Variants in CDC42EP4 observed in about 807,000 individuals in gnomAD.
CDC42EP4 encodes the protein CDC42 effector protein 4, also known as CDC42 effector protein (Rho GTPase binding) 4.
A neutral mutation model predicts 5.6 loss-of-function variants in CDC42EP4; 6 were observed. That is an observed-to-expected ratio of 1.07 (90% CI 0.59 to 2.12). CDC42EP4 has a LOEUF of 2.12. Among genes scored for constraint, CDC42EP4 ranks in the 30% most tolerant of loss-of-function variants. The probability of loss-of-function intolerance (pLI) is 0.00; values close to 1 mark genes in which losing one functional copy is unlikely to be tolerated. For missense variants in CDC42EP4, 490 were observed against 508.6 expected, an observed-to-expected ratio of 0.96 and a Z score of 0.35; for synonymous variants, 230 against 224.2, an observed-to-expected ratio of 1.03 and a Z score of -0.23.
chr17:73,290,391 C>T (rs1472367298), intron 1 of CDC42EP4, among the ~76,000 whole-genome samples: 1 of 152,174 alleles, frequency 6.6e-6, no homozygotes, highest in African/African-American at 2.4e-5. Context: ...GGGTACCCAA[C>T]AGCTGCTTCA....
intron 1 of CDC42EP4, among the ~76,000 whole-genome samples, chr17:73,290,702 G>A (rs2062157179): frequency 6.6e-6 from 1 of 152,214 alleles, no homozygotes; most frequent in South Asian, 2.1e-4. Context: ...CAAAGACAGA[G>A]AAGCAGGGAG....
intron 1 of CDC42EP4, among the ~76,000 whole-genome samples, chr17:73,296,256 TAAA>T (rs970346776): frequency 6.9e-6 from 1 of 144,906 alleles, no homozygotes; most frequent in African/African-American, 2.6e-5. Context: ...AAAAAATACA[TAAA>T]AAAATAAAAT....
chr17:73,303,565 G>A (rs918649197), intron 1 of CDC42EP4, among the ~76,000 whole-genome samples: 5 of 150,642 alleles, frequency 3.3e-5, no homozygotes, highest in Non-Finnish European at 7.4e-5. Context: ...GGGAGGCTGA[G>A]ATAGGAGAAT....
chr17:73,289,446 G>A (rs2062149693), intron 1 of CDC42EP4, among the ~76,000 whole-genome samples: 1 of 152,078 alleles, frequency 6.6e-6, no homozygotes, highest in African/African-American at 2.4e-5. Flanking sequence ...TGAGCAGATC[G>A]AGGTGCCAGG....
intron 1 of CDC42EP4, chr17:73,309,899 G>C (rs2062264674): frequency 1.3e-5 from 2 of 152,440 alleles, no homozygotes; most frequent in East Asian, 3.9e-4. Flanking sequence ...AAGGAGTGGA[G>C]AGGCAAAGTC....
chr17:73,301,710 C>CTT lies in CDC42EP4; in HGVS notation c.-113+10181_-113+10182dup, dbSNP rs35550966. On this transcript the variant is annotated intron_variant, in intron 1 of 1. Coordinates refer to ENST00000335793, the MANE Select transcript of CDC42EP4 (RefSeq NM_012121.5). ...TACAGGCACACGCCACCATGCCCAG[C>CTT]TTTTTTTTTTTTTTTTTTGAGGCCA... is the stretch of plus-strand genomic sequence containing the variant. Among the ~76,000 whole-genome samples, 1,282 of 131,306 alleles carry CTT rather than the reference C, an allele frequency of 9.8e-3. 13 individuals carry two copies. The highest frequency in any genetic ancestry group is 0.015 in the Non-Finnish European group (918 of 62,362). The allele number at this position is 131,306 out of a possible 152,430, so 86.1% of individuals were successfully genotyped here.
At chr17:73,307,999 C>T (rs1045469213) in intron 1 of CDC42EP4, among the ~76,000 whole-genome samples, 4 of 152,146 alleles carry the variant, frequency 2.6e-5, no homozygotes, top group Non-Finnish European at 5.9e-5. Flanking sequence ...GCCTTGGCCT[C>T]CCCAAGTGCT....
At position 73,286,122 on chromosome 17, in the gene CDC42EP4, C is replaced by T. The variant is rs372007594; in HGVS notation, c.379G>A (p.Ala127Thr). Residue 127 changes from alanine (A) to threonine (T), a missense_variant, in exon 2 of 2, where the codon GCC becomes ACC. By Grantham distance (58) the Ala-to-Thr change is moderately conservative. Transcript: ENST00000335793. This position sits in a 1 kb window ranked among gnomAD's most constrained non-coding sequence, Gnocchi z 7.7. ...AGCTTACTGGTGCCCTTCTCCGCGG[C>T]CTCCTTCTCATTGAGCTGGGGCAGG... ...MSLPQLNEKEAAEKGTSKLPK... is the reference protein window; with the variant it reads ...MSLPQLNEKETAEKGTSKLPK... The T allele has an allele frequency of 6.2e-7, 1 of 1,614,038 alleles. No homozygotes were observed. The highest frequency in any genetic ancestry group is 8.5e-7 in the Non-Finnish European group (1 of 1,180,036).
chr17:73,299,639 C>A (rs972741239), intron 1 of CDC42EP4, among the ~76,000 whole-genome samples: 11 of 152,094 alleles, frequency 7.2e-5, no homozygotes, highest in Non-Finnish European at 1.5e-4. Flanking sequence ...GTTATTTGAG[C>A]CCATTTCTGG....
At position 73,286,428 on chromosome 17, in the gene CDC42EP4, C is replaced by T. The variant is rs759855720; in HGVS notation, c.73G>A (p.Glu25Lys). Residue 25 changes from glutamate to lysine, a missense_variant, in exon 2 of 2, where the codon GAG (glutamate) becomes AAG (lysine). Coordinates refer to ENST00000335793, the MANE Select transcript of CDC42EP4 (RefSeq NM_012121.5). This position sits in a 1 kb window ranked among gnomAD's most constrained non-coding sequence, Gnocchi z 7.7. Reference protein sequence around the residue: ...KRRSRADLTAEMISAPLGDFR... With the variant: ...KRRSRADLTAKMISAPLGDFR... ...TCGCCCAGCGGGGCGCTGATCATCT[C>T]GGCCGTGAGGTCCGCTCGGGAACGG... The T allele has an allele frequency of 2.0e-5, 33 of 1,613,278 alleles. No individual in the cohort carries two copies. The highest frequency in any genetic ancestry group is 2.3e-5 in the Non-Finnish European group (27 of 1,179,618).
In CDC42EP4 at chr17:73,285,556, T is replaced by C. The variant is rs2062127507; in HGVS notation, c.945A>G (p.Ser315=). 6.2e-7 allele frequency: 1 copy of C among 1,612,020 alleles called. No individual in the cohort carries two copies. The highest frequency in any genetic ancestry group is 1.1e-5 in the South Asian group (1 of 91,056). Residue 315 remains serine (S), a synonymous_variant, in exon 2 of 2, where the codon TCA becomes TCG. Transcript: ENST00000335793. This position sits in a 1 kb window ranked among gnomAD's most constrained non-coding sequence, Gnocchi z 6.8. ...RDSSSLSSCT[S]GILEERSPAF... is the part of the protein sequence containing the mutation. ...CAGGGCTGCGCTCCTCCAGGATGCCTGAGGTGCAGCTGGAGAGGGAGCTGC... is the reference window on the plus strand; with the variant it reads ...CAGGGCTGCGCTCCTCCAGGATGCCCGAGGTGCAGCTGGAGAGGGAGCTGC...
intron 1 of CDC42EP4, among the ~76,000 whole-genome samples, chr17:73,296,360 G>A (rs2062185572): frequency 1.3e-5 from 2 of 149,234 alleles, no homozygotes; most frequent in African/African-American, 5.0e-5. Context: ...AGAGGTTGCA[G>A]TGAGCCGAGA....
rs571364269 is a variant in CDC42EP4, at chr17:73,290,749, C to T, written c.-112-4137G>A. 1.4e-4 allele frequency among the ~76,000 whole-genome samples: 22 copies of T among 152,266 alleles called. No individual in the cohort carries two copies. In the East Asian group the frequency reaches 1.9e-3, roughly 13 times the overall value. On this transcript the variant is annotated intron_variant, in intron 1 of 1. Coordinates refer to ENST00000335793, the MANE Select transcript of CDC42EP4 (RefSeq NM_012121.5). ...TGGTCAGAACCGGGTGAGAACATGGCGGCACGAGCCCCCAGAGCTGCGTTA... is the reference window on the plus strand; with the variant it reads ...TGGTCAGAACCGGGTGAGAACATGGTGGCACGAGCCCCCAGAGCTGCGTTA...
intron 1 of CDC42EP4, among the ~76,000 whole-genome samples, chr17:73,309,193 C>T (rs1274882451): frequency 6.6e-6 from 1 of 151,204 alleles, no homozygotes; most frequent in Non-Finnish European, 1.5e-5. Context: ...ACAAAAAATA[C>T]AAAAAATGGC....
chr17:73,285,486 G>T lies in CDC42EP4; in HGVS notation c.1015C>A (p.Pro339Thr). ...TCCATGAAGGAGAACTCCTTGTCTG[G>T]CTGTCTTGAGACAGCAGCCCGGGCC... The part of the protein sequence containing the change: ...DRARAAVSRQ[P>T]DKEFSFMDEE... The change falls in exon 2 of 2, where the codon CCA becomes ACA. Residue 339 changes from proline (P) to threonine (T), a missense_variant. Pro to Thr is a conservative substitution (Grantham distance 38). Coordinates refer to ENST00000335793, the MANE Select transcript of CDC42EP4 (RefSeq NM_012121.5). The surrounding 1 kb of genome is among the most constrained non-coding windows in gnomAD (Gnocchi z 6.8). 1 of 1,591,364 alleles carries T rather than the reference G, an allele frequency of 6.3e-7. No individual in the cohort carries two copies. Among genetic ancestry groups the T allele is most frequent in the Non-Finnish European group, 8.6e-7 (1 of 1,165,810 alleles).
chr17:73,292,383 T>C (rs1463830326), intron 1 of CDC42EP4, among the ~76,000 whole-genome samples: 1 of 152,106 alleles, frequency 6.6e-6, no homozygotes, highest in Non-Finnish European at 1.5e-5. Context: ...CATCATCCAG[T>C]CACTCACTCC....
rs567097706 is a variant in CDC42EP4 at position 73,297,366 on chromosome 17, C to T, written c.-112-10754G>A. Among the ~76,000 whole-genome samples the T allele has an allele frequency of 1.3e-4, 18 of 138,320 alleles. No individual in the cohort carries two copies. The East Asian group carries it at 2.2e-3, about 17-fold the overall frequency. The allele number at this position is 138,320 out of a possible 152,430, so 90.7% of individuals were successfully genotyped here. ...GCGCGTGCCTGTAATCCCAGCTACA[C>T]GGGAGGCTGAGGCAGGAGAATCTCT... On this transcript the variant is annotated intron_variant, in intron 1 of 1. Transcript: ENST00000335793.
At chr17:73,301,045 C>G (rs910070732) in intron 1 of CDC42EP4, among the ~76,000 whole-genome samples, 7 of 144,452 alleles carry the variant, frequency 4.8e-5, no homozygotes, top group Non-Finnish European at 4.5e-5. Context: ...GAAACTCCGT[C>G]TCAAAAAAAT....
At position 73,285,122 on chromosome 17, in the gene CDC42EP4, C is replaced by A; in HGVS notation, c.*308G>T. On this transcript the variant is annotated 3_prime_UTR_variant, in exon 2 of 2. Transcript: ENST00000335793. The surrounding 1 kb of genome is among the most constrained non-coding windows in gnomAD (Gnocchi z 6.8). ...GTTGGCATCTGGCATCCATTTGAGGCCAGGGTGGAGGAAAGGGAGGCCAAC... is the reference window on the plus strand; with the variant it reads ...GTTGGCATCTGGCATCCATTTGAGGACAGGGTGGAGGAAAGGGAGGCCAAC... 4.5e-6 allele frequency: 1 copy of A among 220,018 alleles called. No homozygotes were observed. Among genetic ancestry groups the A allele is most frequent in the Admixed American group, 5.4e-5 (1 of 18,488 alleles). The allele number at this position is 220,018 out of a possible 1,614,324, so 13.6% of individuals were successfully genotyped here.
Sources: allele counts gnomAD v4.1 joint callset (sites outside exome capture counted in the v4.1 genomes callset), GRCh38; gene constraint gnomAD v4.1.1; non-coding constraint Gnocchi (gnomAD v3.1); transcripts MANE v1.5; gene names NCBI Gene and HGNC (gene_info 2026-07-23, HGNC 2026-07-21).